Variants in FBN2 observed in about 807,000 individuals in gnomAD.
FBN2 encodes the protein fibrillin 2.
In FBN2, 105 loss-of-function variants were observed where a neutral mutation model predicts 355.6. The ratio of observed to expected loss-of-function variants is 0.30; its 90% CI spans 0.25 to 0.35. The LOEUF (loss-of-function observed/expected upper bound fraction) is 0.35. FBN2 is among the 10% of genes least tolerant of loss of function. FBN2 has a pLI of 1.00. For synonymous variants in FBN2, 1,350 were observed against 1,301.2 expected (o/e 1.04, Z -0.81); for missense variants, 3,280 against 3,758.7 (o/e 0.87, Z 3.33).
At chr5:128,494,434 CTT>C (rs1200350146) in intron 5 of FBN2, among the ~76,000 whole-genome samples, 4 of 152,142 alleles carry the variant, frequency 2.6e-5, no homozygotes, top group Non-Finnish European at 5.9e-5. Context: ...GCTAAGAAGT[CTT>C]TTTGGAGTCA....
Position 128,334,759 on chromosome 5 carries a change from C to G in FBN2, c.4059G>C (p.Gln1353His), listed in dbSNP as rs910160354. ...TCCCCTTCTTCACTGAGTAACCCAG[C>G]TGACAGTGGCAAATGAAGGATCCCT... The part of the protein sequence containing the change: ...NTKGSFICHC[Q>H]LGYSVKKGTT... Residue 1353 changes from glutamine (Q) to histidine (H), a missense_variant, in exon 31 of 65, where the codon CAG becomes CAC. Gln to His is a conservative substitution (Grantham distance 24). Transcript: ENST00000262464. 3 of 1,614,060 alleles carry G rather than the reference C, an allele frequency of 1.9e-6. No homozygotes were observed. Among genetic ancestry groups the G allele is most frequent in the South Asian group, 1.1e-5 (1 of 91,082 alleles).
intron 62 of FBN2, among the ~76,000 whole-genome samples, chr5:128,265,923 C>G (rs1028806701): frequency 1.3e-5 from 2 of 152,136 alleles, no homozygotes; most frequent in Admixed American, 1.3e-4. Flanking sequence ...TGACCACTGA[C>G]GAGGATTCCG....
chr5:128,483,608 C>A (rs1755255050), intron 5 of FBN2, among the ~76,000 whole-genome samples: 1 of 151,716 alleles, frequency 6.6e-6, no homozygotes, highest in African/African-American at 2.4e-5. Flanking sequence ...TTTTCAAGTT[C>A]TGAATTTTCA....
chr5:128,419,484 A>T (rs1753289006), intron 7 of FBN2, among the ~76,000 whole-genome samples: 1 of 151,988 alleles, frequency 6.6e-6, no homozygotes, highest in Admixed American at 6.6e-5. Context: ...GTTCCTTTCT[A>T]TTCTTATTTT....
intron 27 of FBN2, among the ~76,000 whole-genome samples, chr5:128,337,588 T>C (rs961993220): frequency 2.6e-5 from 4 of 152,176 alleles, no homozygotes; most frequent in African/African-American, 9.7e-5. Flanking sequence ...GGGAGCGCCA[T>C]GTTCACACAT....
chr5:128,521,798 CA>C (rs1337692750), intron 4 of FBN2, among the ~76,000 whole-genome samples: 1 of 152,076 alleles, frequency 6.6e-6, no homozygotes, highest in Admixed American at 6.5e-5. Flanking sequence ...TTTTCCAAAA[CA>C]AAGTTTCCAA....
intron 48 of FBN2, 98 bp downstream of exon 48, chr5:128,300,719 A>G: frequency 8.4e-7 from 1 of 1,191,502 alleles, no homozygotes; most frequent in Non-Finnish European, 1.3e-6. Context: ...TTAGGTCAGC[A>G]TGCTTGCAGT....
intron 7 of FBN2, among the ~76,000 whole-genome samples, chr5:128,430,913 G>T (rs990631192): frequency 2.0e-5 from 3 of 152,006 alleles, no homozygotes; most frequent in Non-Finnish European, 4.4e-5. Flanking sequence ...AATACTGATT[G>T]CAATAGCATG....
At chr5:128,404,554 C>T (rs183065169) in intron 8 of FBN2, among the ~76,000 whole-genome samples, 11 of 152,302 alleles carry the variant, frequency 7.2e-5, no homozygotes, top group East Asian at 1.9e-4. Flanking sequence ...GCTGCAAGGC[C>T]GCTATAATCA....
In FBN2 at chr5:128,287,399, C is replaced by T; in HGVS notation, c.6789G>A (p.Leu2263=). 1.9e-6 allele frequency: 3 copies of T among 1,613,996 alleles called. No homozygotes were observed. The highest frequency in any genetic ancestry group is 2.5e-6 in the Non-Finnish European group (3 of 1,179,902). ...AAGTGTTCATGCAGCGGAAAGCACA[C>T]AGCAGTGGGTTCTGGGCACATTCGT... ...DINECAQNPL[L]CAFRCMNTFG... Residue 2263 remains leucine, a synonymous_variant, in exon 54 of 65, where the codon CTG becomes CTA. Coordinates refer to ENST00000262464, the MANE Select transcript of FBN2 (RefSeq NM_001999.4).
At chr5:128,468,899 T>C (rs773925298) in intron 5 of FBN2, among the ~76,000 whole-genome samples, 6 of 152,258 alleles carry the variant, frequency 3.9e-5, no homozygotes, top group Non-Finnish European at 7.3e-5. Flanking sequence ...AGATTTGTGA[T>C]ACTTTTTTCT....
intron 42 of FBN2, 48 bp downstream of exon 42, chr5:128,307,087 G>A: frequency 5.3e-6 from 6 of 1,138,472 alleles, no homozygotes; most frequent in Non-Finnish European, 8.0e-6. Context: ...GATTTTTACA[G>A]AATGCTACAC....
rs377764509 is a variant in FBN2, at chr5:128,454,471, G to A, written c.827-7865C>T. 1.2e-3 allele frequency among the ~76,000 whole-genome samples: 178 copies of A among 152,302 alleles called. 1 individual carries two copies. The highest frequency in any genetic ancestry group is 4.1e-3 in the African/African-American group (169 of 41,574). On this transcript the variant is annotated intron_variant, in intron 6 of 64. Transcript: ENST00000262464. Reference sequence around the variant, plus strand: ...CAGCCAAGATGAATTTGTTTTGGCTGTAACTATCTTTAATAATTTATTCTA... The same window carrying A: ...CAGCCAAGATGAATTTGTTTTGGCTATAACTATCTTTAATAATTTATTCTA...
intron 2 of FBN2, 21 bp downstream of exon 2, chr5:128,536,381 C>T: frequency 1.2e-6 from 2 of 1,605,316 alleles, no homozygotes; most frequent in South Asian, 1.1e-5. Context: ...CCCCAAGCTG[C>T]GATCCCTGCC....
Position 128,537,686 on chromosome 5 carries a change from A to G in FBN2, c.-83T>C, listed in dbSNP as rs1255212449. 11 of 1,382,272 alleles carry G rather than the reference A, an allele frequency of 8.0e-6. No individual in the cohort carries two copies. The highest frequency in any genetic ancestry group is 1.1e-5 in the Non-Finnish European group (11 of 997,658). The allele number at this position is 1,382,272 out of a possible 1,614,324, so 85.6% of individuals were successfully genotyped here. A position where few individuals can be genotyped will look rare whatever the true frequency, so the allele number is the denominator to read the frequency against. ...AATCTGCGCGCCTCAGAAAAGAGTCAGGGTCTAATAAGCCCTTCGTCGGCT... is the reference window on the plus strand; with the variant it reads ...AATCTGCGCGCCTCAGAAAAGAGTCGGGGTCTAATAAGCCCTTCGTCGGCT... On this transcript the variant is annotated 5_prime_UTR_variant, in exon 1 of 65. Transcript: ENST00000262464.
chr5:128,436,848 G>A (rs1444676130), intron 7 of FBN2, among the ~76,000 whole-genome samples: 1 of 152,120 alleles, frequency 6.6e-6, no homozygotes, highest in Non-Finnish European at 1.5e-5. Context: ...TCACCAATCT[G>A]GACAGAGGGC....
chr5:128,436,268 G>T (rs150167779), intron 7 of FBN2, among the ~76,000 whole-genome samples: 1 of 152,084 alleles, frequency 6.6e-6, no homozygotes, highest in Non-Finnish European at 1.5e-5. Flanking sequence ...ACTCTTCCCC[G>T]CTGGTCTCAC....
intron 11 of FBN2, among the ~76,000 whole-genome samples, chr5:128,381,295 A>G (rs1280532357): frequency 1.3e-5 from 2 of 152,108 alleles, no homozygotes; most frequent in Non-Finnish European, 2.9e-5. Context: ...CATCAGGAGC[A>G]ATTCTCATAA....
chr5:128,511,541 G>T (rs77106158), intron 5 of FBN2, among the ~76,000 whole-genome samples: 2 of 152,076 alleles, frequency 1.3e-5, no homozygotes, highest in East Asian at 3.9e-4. Context: ...TGTATGATGC[G>T]TCTTCCATTA....
Sources: allele counts gnomAD v4.1 joint callset (sites outside exome capture counted in the v4.1 genomes callset), GRCh38; gene constraint gnomAD v4.1.1; transcripts MANE v1.5; gene names NCBI Gene and HGNC (gene_info 2026-07-23, HGNC 2026-07-21).